The following MS4A4E variants were observed in gnomAD, a reference collection of about 807,000 sequenced individuals.
MS4A4E encodes the protein membrane spanning 4-domains A4E.
A neutral mutation model predicts 13.3 loss-of-function variants in MS4A4E; 23 were observed. That is an observed-to-expected ratio of 1.73 (90% confidence interval 1.25 to 2.45). The LOEUF is 2.45. Ranked by LOEUF, MS4A4E falls within the 30% of genes most tolerant of loss-of-function variation. The pLI is 0.00. For synonymous variants in MS4A4E, 36 were observed against 45.6 expected (o/e 0.79, Z 0.85); for missense variants, 144 against 131.2 (o/e 1.10, Z -0.48).
Position 60,200,544 on chromosome 11 carries a change from C to T in MS4A4E, c.*999G>A, listed in dbSNP as rs1334182808. On this transcript the variant is annotated 3_prime_UTR_variant, in exon 9 of 9. Transcript: ENST00000651255. ...CTGTTTAACAAAGCACACCTTGCAC[C>T]GCCCTTAATCCATTTAACCCTGAGT... Among the ~76,000 whole-genome samples the T allele has an allele frequency of 1.3e-5, 2 of 152,024 alleles. No individual in the cohort carries two copies. The highest frequency in any genetic ancestry group is 4.8e-5 in the African/African-American group (2 of 41,394).
At chr11:60,217,149 G>A (rs1170388117) in intron 3 of MS4A4E, among the ~76,000 whole-genome samples, 1 of 152,244 alleles carries the variant, frequency 6.6e-6, no homozygotes, top group East Asian at 1.9e-4. Context: ...AGCAGATACT[G>A]AGCCTCAAAT....
At chr11:60,211,384 T>A (rs765326004) in intron 5 of MS4A4E, among the ~76,000 whole-genome samples, 1 of 152,196 alleles carries the variant, frequency 6.6e-6, no homozygotes, top group Non-Finnish European at 1.5e-5. Context: ...CAAGCGGTTA[T>A]TTTGGTGTGA....
chr11:60,201,943 T>A (rs985263378), intron 8 of MS4A4E, 64 bp from the exon 9 acceptor site: 1 of 157,036 alleles, frequency 6.4e-6, no homozygotes, highest in Non-Finnish European at 1.4e-5. Flanking sequence ...TAGGTTGGAC[T>A]ACTTATAGTT....
intron 6 of MS4A4E, among the ~76,000 whole-genome samples, chr11:60,206,488 T>TATATACAC (rs1565116698): frequency 2.0e-5 from 1 of 48,998 alleles, no homozygotes; most frequent in Non-Finnish European, 3.7e-5. Flanking sequence ...TATATATATA[T>TATATACAC]GTATATATAT....
chr11:60,213,649 G>C (rs1472117346), intron 4 of MS4A4E, among the ~76,000 whole-genome samples: 1 of 152,058 alleles, frequency 6.6e-6, no homozygotes, highest in Non-Finnish European at 1.5e-5. Flanking sequence ...TAGGAAGTTG[G>C]GTTAGGCCAG....
chr11:60,232,353 A>G (rs2084422893), intron 1 of MS4A4E, among the ~76,000 whole-genome samples: 2 of 149,270 alleles, frequency 1.3e-5, no homozygotes, highest in African/African-American at 4.9e-5. Flanking sequence ...CATTCCAACC[A>G]AAATAACTAA....
chr11:60,243,120 G>C lies in MS4A4E; in HGVS notation c.-179C>G, dbSNP rs905141267. The C allele has an allele frequency of 1.9e-6, 1 of 514,752 alleles. No individual in the cohort carries two copies. The highest frequency in any genetic ancestry group is 3.8e-5 in the Admixed American group (1 of 26,368). The allele number at this position is 514,752 out of a possible 1,614,324, so 31.9% of individuals were successfully genotyped here. On this transcript the variant is annotated 5_prime_UTR_variant, in exon 1 of 9. It adds an upstream start codon to the 5' untranslated region. Coordinates refer to ENST00000651255, the MANE Select transcript of MS4A4E (RefSeq NM_001393391.1). ...CTAGTAGATGTTTGGAACCTTAAAGGATGTGTTGAGAACTTCTGAGACACA... is the reference window on the plus strand; with the variant it reads ...CTAGTAGATGTTTGGAACCTTAAAGCATGTGTTGAGAACTTCTGAGACACA...
At chr11:60,238,860 C>T (rs1447635230) in intron 1 of MS4A4E, among the ~76,000 whole-genome samples, 1 of 152,160 alleles carries the variant, frequency 6.6e-6, no homozygotes, top group Non-Finnish European at 1.5e-5. Flanking sequence ...GAAACTATTC[C>T]TAAAACATAA....
intron 3 of MS4A4E, among the ~76,000 whole-genome samples, chr11:60,226,019 C>T (rs191810975): frequency 3.2e-4 from 48 of 151,958 alleles, no homozygotes; most frequent in African/African-American, 1.0e-3. Context: ...AATAACTCTA[C>T]GAACAATTCT....
intron 4 of MS4A4E, among the ~76,000 whole-genome samples, chr11:60,213,622 C>T (rs1443527853): frequency 6.6e-6 from 1 of 152,172 alleles, no homozygotes; most frequent in Admixed American, 6.5e-5. Context: ...AGTGTGGCTG[C>T]AGGTCCCGGC....
At chr11:60,205,398 C>T (rs1390917162) in intron 7 of MS4A4E, among the ~76,000 whole-genome samples, 1 of 152,138 alleles carries the variant, frequency 6.6e-6, no homozygotes, top group Non-Finnish European at 1.5e-5. Context: ...ATTGTAGATA[C>T]TTTACAAATA....
intron 3 of MS4A4E, among the ~76,000 whole-genome samples, chr11:60,221,432 T>C (rs540854437): frequency 1.3e-5 from 2 of 149,412 alleles, no homozygotes; most frequent in South Asian, 2.1e-4. Context: ...GATGGTCTCA[T>C]GGGGAGTTCC....
chr11:60,217,157 A>G (rs1194972923), intron 3 of MS4A4E, among the ~76,000 whole-genome samples: 1 of 152,178 alleles, frequency 6.6e-6, no homozygotes, highest in Non-Finnish European at 1.5e-5. Flanking sequence ...CTGAGCCTCA[A>G]ATCTTCTAAG....
chr11:60,219,591 T>C (rs926576652), intron 3 of MS4A4E, among the ~76,000 whole-genome samples: 2 of 152,148 alleles, frequency 1.3e-5, no homozygotes, highest in Admixed American at 1.3e-4. Flanking sequence ...TCCAGACATA[T>C]GCCATTTTAC....
intron 3 of MS4A4E, among the ~76,000 whole-genome samples, chr11:60,226,293 C>CTATGGAGTT (rs2084341961): frequency 6.6e-6 from 1 of 151,632 alleles, no homozygotes; most frequent in Non-Finnish European, 1.5e-5. Context: ...ATGGAGCTAG[C>CTATGGAGTT]ACTATTATCT....
chr11:60,234,020 C>G (rs1474894587), intron 1 of MS4A4E, among the ~76,000 whole-genome samples: 1 of 152,222 alleles, frequency 6.6e-6, no homozygotes, highest in Non-Finnish European at 1.5e-5. Context: ...ATTCTGTTTT[C>G]TCTGTTGGAT....
At chr11:60,237,126 G>A (rs546054168) in intron 1 of MS4A4E, among the ~76,000 whole-genome samples, 74 of 152,296 alleles carry the variant, frequency 4.9e-4, no homozygotes, top group African/African-American at 1.7e-3. Flanking sequence ...AAGCCCCAGT[G>A]TGTGTTGTTC....
intron 1 of MS4A4E, 34 bp from the exon 2 acceptor site, chr11:60,230,105 T>G (rs1430439059): frequency 6.5e-7 from 1 of 1,537,622 alleles, no homozygotes; most frequent in Non-Finnish European, 8.7e-7. Context: ...GATGAGGTCC[T>G]GGAAATGACA....
intron 1 of MS4A4E, among the ~76,000 whole-genome samples, chr11:60,241,651 T>A (rs566894677): frequency 6.6e-6 from 1 of 152,232 alleles, no homozygotes; most frequent in Non-Finnish European, 1.5e-5. Flanking sequence ...AATCCATGTG[T>A]TAATTATCTA....
Sources: allele counts gnomAD v4.1 joint callset (sites outside exome capture counted in the v4.1 genomes callset), GRCh38; gene constraint gnomAD v4.1.1; transcripts MANE v1.5; gene names NCBI Gene and HGNC (gene_info 2026-07-23, HGNC 2026-07-21).